Variants in CDH16 observed in about 807,000 individuals in gnomAD.
The protein encoded by CDH16 is cadherin-16.
A neutral mutation model predicts 87.6 loss-of-function variants in CDH16; 79 were observed. The ratio of observed to expected loss-of-function variants is 0.90; its 90% CI spans 0.75 to 1.09. The LOEUF is 1.09. Ranked by LOEUF, CDH16 falls within the 50% of genes least tolerant of loss-of-function variation. The pLI is 0.00. For missense variants in CDH16, 1,124 were observed against 1,071.7 expected, an observed-to-expected ratio of 1.05 and a Z score of -0.68; for synonymous variants, 457 against 439.5, an observed-to-expected ratio of 1.04 and a Z score of -0.50.
chr16:66,911,758 A>T, intron 13 of CDH16, 141 bp downstream of exon 13: 2 of 1,057,150 alleles, frequency 1.9e-6, no homozygotes, highest in Non-Finnish European at 2.7e-6. Context: ...GATCCCTGCC[A>T]GGAGTCACAA....
rs897352931 is a variant in CDH16 at position 66,909,405 on chromosome 16, G to T, written c.2276-22C>A. ...ATCACTGAGGGGAGAGGGGAGGAAGGTAAGGGGAGGGAGGGGAGGGCTCCC... is the reference window on the plus strand; with the variant it reads ...ATCACTGAGGGGAGAGGGGAGGAAGTTAAGGGGAGGGAGGGGAGGGCTCCC... On this transcript the variant is annotated intron_variant, in intron 16 of 17. Transcript: ENST00000299752. The surrounding 1 kb of genome is among the most constrained non-coding windows in gnomAD (Gnocchi z 4.1). 1.9e-6 allele frequency: 1 copy of T among 538,774 alleles called. No individual in the cohort carries two copies. The highest frequency in any genetic ancestry group is 3.7e-6 in the Non-Finnish European group (1 of 272,842). The allele number at this position is 538,774 out of a possible 1,614,324, so 33.4% of individuals were successfully genotyped here.
intron 2 of CDH16, 88 bp from the exon 3 acceptor site, chr16:66,917,813 C>A: frequency 8.2e-7 from 1 of 1,222,840 alleles, no homozygotes; most frequent in Admixed American, 2.2e-5. Flanking sequence ...TCCGCCCCTT[C>A]CCAGGGCCTG....
At position 66,914,049 on chromosome 16, in the gene CDH16, C is replaced by T. The variant is rs191311117; in HGVS notation, c.780+167G>A. 9.0e-4 allele frequency among the ~76,000 whole-genome samples: 137 copies of T among 152,322 alleles called. No individual in the cohort carries two copies. In the Middle Eastern group the frequency reaches 0.017, roughly 19 times the overall value. On this transcript the variant is annotated intron_variant, in intron 7 of 17. Coordinates refer to ENST00000299752, the MANE Select transcript of CDH16 (RefSeq NM_004062.4). The stretch of plus-strand genomic sequence containing the variant: ...GAGCAGGCGAGGGGCTGTGGGCCTG[C>T]GTCCAGGGCCTTGAACACCCCAGTC...
rs1348267172 is a variant in CDH16 at position 66,916,677 on chromosome 16, G to A, written c.130-248C>T. Among the ~76,000 whole-genome samples the A allele has an allele frequency of 6.6e-6, 1 of 152,024 alleles. No homozygotes were observed. Among genetic ancestry groups the A allele is most frequent in the East Asian group, 1.9e-4 (1 of 5,184 alleles). ...CTTGAAACCTCACCACCGAGATTTC[G>A]TTCTTTAATCTAAAGCTCTGCTCTC... On this transcript the variant is annotated intron_variant, in intron 3 of 17. Coordinates refer to ENST00000299752, the MANE Select transcript of CDH16 (RefSeq NM_004062.4). The surrounding 1 kb of genome is among the most constrained non-coding windows in gnomAD (Gnocchi z 4.1).
At chr16:66,918,137 A>C (rs1186145064) in intron 1 of CDH16, 59 bp from the exon 2 acceptor site, 3 of 1,194,372 alleles carry the variant, frequency 2.5e-6, no homozygotes, top group East Asian at 2.6e-5. Context: ...TTTCCATCCC[A>C]CACACACAAC....
Position 66,908,439 on chromosome 16 carries a change from C to G in CDH16, c.2443G>C (p.Asp815His). 1.2e-6 allele frequency: 2 copies of G among 1,614,116 alleles called. No individual in the cohort carries two copies. Among genetic ancestry groups the G allele is most frequent in the Non-Finnish European group, 1.7e-6 (2 of 1,180,000 alleles). Reference protein sequence around the residue: ...FTHWTMSRKKDPDQPADSVPL... With the variant: ...FTHWTMSRKKHPDQPADSVPL... ...ACGCTGTCTGCTGGTTGATCCGGGT[C>G]CTTCTTCCTTGACATGGTCCAGTGG... The change falls in exon 18 of 18, where the codon GAC becomes CAC. Residue 815 changes from aspartate to histidine, a missense_variant. Physicochemically the swap from Asp to His is moderately conservative, Grantham distance 81. Transcript: ENST00000299752.
In CDH16 at chr16:66,916,215, G is replaced by A; in HGVS notation, c.286-12C>T. ...ATCTCCAGGGTGACCTGGCAGGGAA[G>A]GGGAGTCAGCGTCTGGCTCTGCCTT... On this transcript the variant is annotated splice_polypyrimidine_tract_variant and intron_variant, in intron 4 of 17. Coordinates refer to ENST00000299752, the MANE Select transcript of CDH16 (RefSeq NM_004062.4). This position sits in a 1 kb window ranked among gnomAD's most constrained non-coding sequence, Gnocchi z 4.1. 2 of 1,614,262 alleles carry A rather than the reference G, an allele frequency of 1.2e-6. No homozygotes were observed. Among genetic ancestry groups the A allele is most frequent in the Non-Finnish European group, 1.7e-6 (2 of 1,180,050 alleles).
At position 66,909,171 on chromosome 16, in the gene CDH16, C is replaced by G. The variant is rs1962292155; in HGVS notation, c.2392+96G>C. The G allele has an allele frequency of 1.2e-6, 1 of 800,204 alleles. No homozygotes were observed. The highest frequency in any genetic ancestry group is 2.2e-6 in the Non-Finnish European group (1 of 454,440). 49.6% of individuals were successfully genotyped at this position (800,204 alleles called of 1,614,324 possible). On this transcript the variant is annotated intron_variant, in intron 17 of 17. Coordinates refer to ENST00000299752, the MANE Select transcript of CDH16 (RefSeq NM_004062.4). The surrounding 1 kb of genome is among the most constrained non-coding windows in gnomAD (Gnocchi z 4.1). ...GAGTTGGGGGCTTCCTTTTTCAGAG[C>G]TAGGGGCACCATGGGGACAAAGGTG... is the stretch of plus-strand genomic sequence containing the variant.
At chr16:66,918,335 T>G (rs1052188396) in intron 1 of CDH16, among the ~76,000 whole-genome samples, 2 of 152,178 alleles carry the variant, frequency 1.3e-5, no homozygotes, top group African/African-American at 4.8e-5. Context: ...GACCTCCAGC[T>G]CCTTCTCACC....
Position 66,915,653 on chromosome 16 carries a change from G to T in CDH16, c.425-275C>A, listed in dbSNP as rs546819855. Among the ~76,000 whole-genome samples, 3 of 152,316 alleles carry T rather than the reference G, an allele frequency of 2.0e-5. No individual in the cohort carries two copies. The South Asian group carries it at 6.2e-4, about 32-fold the overall frequency. On this transcript the variant is annotated intron_variant, in intron 5 of 17. Transcript: ENST00000299752. ...CATGCCTGTAATTCCAGCACTTTGG[G>T]AGGCTGAGGCAGGCAGACCACCTGA...
At chr16:66,913,682 T>C in intron 7 of CDH16, 69 bp from the exon 8 acceptor site, 1 of 1,578,106 alleles carries the variant, frequency 6.3e-7, no homozygotes, top group Non-Finnish European at 8.6e-7. Flanking sequence ...ATCTGATTTC[T>C]CGTTGAGGAG....
chr16:66,914,825 C>A (rs957216951), intron 6 of CDH16, among the ~76,000 whole-genome samples: 4 of 152,040 alleles, frequency 2.6e-5, no homozygotes, highest in African/African-American at 7.2e-5. Flanking sequence ...CGGGTGAATG[C>A]GTGGCTGGCT....
Position 66,917,724 on chromosome 16 carries a change from G to T in CDH16, c.47C>A (p.Ala16Asp). ...CTCTGCAGGCTGGGCCTTGGGGAGAGCCTGTGGGAGGATTCTCACCTTGTC... is the reference window on the plus strand; with the variant it reads ...CTCTGCAGGCTGGGCCTTGGGGAGATCCTGTGGGAGGATTCTCACCTTGTC... ...LWLLCVSVPQ[A>D]LPKAQPAELS... The change falls in exon 3 of 18, where the codon GCT becomes GAT. Residue 16 changes from alanine (A) to aspartate (D), a missense_variant and splice_region_variant. By Grantham distance (126) the Ala-to-Asp change is moderately radical. Coordinates refer to ENST00000299752, the MANE Select transcript of CDH16 (RefSeq NM_004062.4). 6.2e-7 allele frequency: 1 copy of T among 1,609,040 alleles called. No individual in the cohort carries two copies. The highest frequency in any genetic ancestry group is 1.7e-5 in the Admixed American group (1 of 59,530).
rs775289811 is a variant in CDH16 at position 66,908,360 on chromosome 16, G to A, written c.*32C>T. ...CCAGGGGACTCAGATGGAGCCAGAG[G>A]CCAAGCTCCCAGCTAGAGCTGCCTG... On this transcript the variant is annotated 3_prime_UTR_variant, in exon 18 of 18. Coordinates refer to ENST00000299752, the MANE Select transcript of CDH16 (RefSeq NM_004062.4). 1 of 1,577,220 alleles carries A rather than the reference G, an allele frequency of 6.3e-7. No homozygotes were observed. Among genetic ancestry groups the A allele is most frequent in the Admixed American group, 1.7e-5 (1 of 59,996 alleles).
At position 66,916,236 on chromosome 16, in the gene CDH16, G is replaced by A. The variant is rs770971703; in HGVS notation, c.286-33C>T. ...GGAAGGGGAGTCAGCGTCTGGCTCT[G>A]CCTTGCCTGCTCTCCCCTACACCTG... On this transcript the variant is annotated intron_variant, in intron 4 of 17. Transcript: ENST00000299752. The surrounding 1 kb of genome is among the most constrained non-coding windows in gnomAD (Gnocchi z 4.1). The A allele has an allele frequency of 1.9e-6, 3 of 1,614,188 alleles. No individual in the cohort carries two copies. The Admixed American group carries it at 5.0e-5, about 27-fold the overall frequency.
At position 66,916,101 on chromosome 16, in the gene CDH16, T is replaced by C. The variant is rs1170787252; in HGVS notation, c.388A>G (p.Ile130Val). Residue 130 changes from isoleucine (I) to valine (V), a missense_variant, in exon 5 of 18, where the codon ATC becomes GTC. Ile to Val is a conservative substitution (Grantham distance 29). Coordinates refer to ENST00000299752, the MANE Select transcript of CDH16 (RefSeq NM_004062.4). This position sits in a 1 kb window ranked among gnomAD's most constrained non-coding sequence, Gnocchi z 4.1. ...NDQVPHFSQA[I>V]YRARLSRGTR... ...CCCCGGCTCAGCCGAGCTCTGTAGATGGCTTGAGAGAAATGGGGCACCTGG... is the reference window on the plus strand; with the variant it reads ...CCCCGGCTCAGCCGAGCTCTGTAGACGGCTTGAGAGAAATGGGGCACCTGG... 6.2e-7 allele frequency: 1 copy of C among 1,614,126 alleles called. No homozygotes were observed. Among genetic ancestry groups the C allele is most frequent in the African/African-American group, 1.3e-5 (1 of 74,948 alleles).
At position 66,912,739 on chromosome 16, in the gene CDH16, C is replaced by A. The variant is rs1345703024; in HGVS notation, c.1207G>T (p.Gly403Trp). ...TGGCCTGCTCGGAGTGGGAGCACCC[C>A]CAGCGTCACACTGCCTGAAGTGGGG... ...VDPTSGSVTL[G>W]VLPLRAGQNI... Residue 403 changes from glycine to tryptophan, a missense_variant, in exon 10 of 18, where the codon GGG (glycine) becomes TGG (tryptophan). Coordinates refer to ENST00000299752, the MANE Select transcript of CDH16 (RefSeq NM_004062.4). 6.2e-7 allele frequency: 1 copy of A among 1,613,816 alleles called. No homozygotes were observed. Among genetic ancestry groups the A allele is most frequent in the South Asian group, 1.1e-5 (1 of 91,078 alleles).
chr16:66,914,185 C>A, intron 7 of CDH16, 31 bp downstream of exon 7: 1 of 1,584,468 alleles, frequency 6.3e-7, no homozygotes, highest in Non-Finnish European at 8.7e-7. Context: ...ATCCATGGGG[C>A]TGCTTCAGCC....
At chr16:66,911,023 A>G in intron 14 of CDH16, 159 bp downstream of exon 14, 1 of 648,852 alleles carries the variant, frequency 1.5e-6, no homozygotes, top group Admixed American at 3.2e-5. Context: ...GAGTAGATCC[A>G]TTCTCAGAGA....
Sources: allele counts gnomAD v4.1 joint callset (sites outside exome capture counted in the v4.1 genomes callset), GRCh38; gene constraint gnomAD v4.1.1; non-coding constraint Gnocchi (gnomAD v3.1); transcripts MANE v1.5; gene names NCBI Gene and HGNC (gene_info 2026-07-23, HGNC 2026-07-21).